WARS2: variants seen among roughly 807,000 people sequenced by gnomAD.
WARS2 encodes tryptophan--tRNA ligase, mitochondrial.
WARS2 carries 28 observed loss-of-function variants against 36.5 expected under a neutral mutation model. The observed-to-expected ratio is 0.77, with a 90% confidence interval of 0.57 to 1.05. The LOEUF (loss-of-function observed/expected upper bound fraction) is 1.05, where lower values mean the gene tolerates loss of function less well. WARS2 is among the 50% of genes least tolerant of loss of function. The pLI is 0.00. For missense variants in WARS2, 435 were observed against 456.8 expected, an observed-to-expected ratio of 0.95 and a Z score of 0.44; for synonymous variants, 174 against 178.4, an observed-to-expected ratio of 0.98 and a Z score of 0.20.
chr1:119,062,257 T>C (rs981359513), intron 2 of WARS2, among the ~76,000 whole-genome samples: 14 of 152,206 alleles, frequency 9.2e-5, no homozygotes, highest in Non-Finnish European at 1.9e-4. Context: ...GAAGCTACCT[T>C]GCTGGCAAGC....
At chr1:119,056,890 T>C (rs988426059) in intron 2 of WARS2, among the ~76,000 whole-genome samples, 9 of 152,180 alleles carry the variant, frequency 5.9e-5, no homozygotes, top group African/African-American at 1.7e-4. Context: ...TTTGGGTAAA[T>C]ACCTAGGAGT....
At chr1:119,090,467 C>G (rs892456442) in intron 1 of WARS2, among the ~76,000 whole-genome samples, 1 of 152,190 alleles carries the variant, frequency 6.6e-6, no homozygotes, top group Non-Finnish European at 1.5e-5. Context: ...AGCCTACATA[C>G]CTAACTTACT....
At chr1:119,091,540 AAATTTT>A (rs2101408909) in intron 1 of WARS2, among the ~76,000 whole-genome samples, 1 of 152,310 alleles carries the variant, frequency 6.6e-6, no homozygotes, top group South Asian at 2.1e-4. Flanking sequence ...GTATGGCCTA[AAATTTT>A]AATTTTATGT....
At chr1:119,116,096 T>G (rs781215244) in intron 1 of WARS2, among the ~76,000 whole-genome samples, 1 of 152,226 alleles carries the variant, frequency 6.6e-6, no homozygotes, top group Admixed American at 6.5e-5. Flanking sequence ...ATATAAAGTC[T>G]GCTTCACTCT....
intron 1 of WARS2, among the ~76,000 whole-genome samples, chr1:119,084,503 C>T (rs1450655418): frequency 6.6e-6 from 1 of 151,866 alleles, no homozygotes; most frequent in Non-Finnish European, 1.5e-5. Context: ...GGAAAGAGGC[C>T]AATCAAACAA....
intron 2 of WARS2, among the ~76,000 whole-genome samples, chr1:119,067,890 A>G (rs1182782803): frequency 1.3e-5 from 2 of 151,988 alleles, no homozygotes; most frequent in African/African-American, 4.8e-5. Context: ...ACCTGTTCCT[A>G]TGTCCAGGAT....
rs140728947 is a variant in WARS2 at position 119,108,072 on chromosome 1, A to G, written c.91-31465T>C. Among the ~76,000 whole-genome samples, 54 of 152,094 alleles carry G rather than the reference A, an allele frequency of 3.6e-4. No homozygotes were observed. In the East Asian group the frequency reaches 3.9e-3, roughly 11 times the overall value. On this transcript the variant is annotated intron_variant, in intron 1 of 5. Coordinates refer to ENST00000235521, the MANE Select transcript of WARS2 (RefSeq NM_015836.4). ...ATTCTTTTTATGCATTGTTGGATTCACTTTGCTAGTATTTTGTTGATGATT... is the reference window on the plus strand; with the variant it reads ...ATTCTTTTTATGCATTGTTGGATTCGCTTTGCTAGTATTTTGTTGATGATT...
Position 119,095,238 on chromosome 1 carries a change from C to T in WARS2, c.91-18631G>A, listed in dbSNP as rs587695140. Among the ~76,000 whole-genome samples the T allele has an allele frequency of 6.0e-4, 92 of 152,258 alleles. 1 individual carries two copies. Among genetic ancestry groups the T allele is most frequent in the African/African-American group, 2.1e-3 (87 of 41,568 alleles). On this transcript the variant is annotated intron_variant, in intron 1 of 5. Transcript: ENST00000235521. Reference sequence around the variant, plus strand: ...AATATTCACTAAGAAAATAGTCAAGCAACAGAAATCCATTGTGAGACACCA... The same window carrying T: ...AATATTCACTAAGAAAATAGTCAAGTAACAGAAATCCATTGTGAGACACCA...
At chr1:119,039,387 A>G (rs1648155162) in intron 4 of WARS2, among the ~76,000 whole-genome samples, 1 of 152,160 alleles carries the variant, frequency 6.6e-6, no homozygotes, top group Non-Finnish European at 1.5e-5. Context: ...ATATATGTAT[A>G]CAACACATAT....
At chr1:119,099,542 G>A (rs1653709167) in intron 1 of WARS2, among the ~76,000 whole-genome samples, 1 of 152,198 alleles carries the variant, frequency 6.6e-6, no homozygotes, top group African/African-American at 2.4e-5. Context: ...CAATATGGAG[G>A]AAAACGCTTT....
chr1:119,107,039 G>T (rs1456010886), intron 1 of WARS2, among the ~76,000 whole-genome samples: 1 of 152,054 alleles, frequency 6.6e-6, no homozygotes, highest in Admixed American at 6.6e-5. Flanking sequence ...GTTTTGATTT[G>T]CAATTCCCTA....
At chr1:119,067,580 T>G (rs934932184) in intron 2 of WARS2, among the ~76,000 whole-genome samples, 11 of 152,216 alleles carry the variant, frequency 7.2e-5, no homozygotes, top group Non-Finnish European at 1.6e-4. Flanking sequence ...CACTCTACCC[T>G]TATATAAATC....
intron 1 of WARS2, among the ~76,000 whole-genome samples, chr1:119,110,746 C>A (rs891595627): frequency 6.6e-6 from 1 of 152,028 alleles, no homozygotes; most frequent in Non-Finnish European, 1.5e-5. Context: ...GTTCCTGTCT[C>A]TTTTTCTTCT....
intron 2 of WARS2, among the ~76,000 whole-genome samples, chr1:119,065,832 A>G (rs1443629302): frequency 6.6e-6 from 1 of 152,174 alleles, no homozygotes; most frequent in Non-Finnish European, 1.5e-5. Context: ...AGAATAAATT[A>G]GAATTTTAGA....
chr1:119,071,065 C>T (rs1252653903), intron 2 of WARS2, among the ~76,000 whole-genome samples: 2 of 152,104 alleles, frequency 1.3e-5, no homozygotes, highest in Admixed American at 1.3e-4. Flanking sequence ...CGCCTGTAAT[C>T]CCAACTACTT....
chr1:119,121,532 GA>G (rs1445380796), intron 1 of WARS2, among the ~76,000 whole-genome samples: 1 of 151,438 alleles, frequency 6.6e-6, no homozygotes, highest in African/African-American at 2.4e-5. Context: ...CACAGAACTA[GA>G]AAAAACAATC....
At chr1:119,094,933 C>A (rs1653310260) in intron 1 of WARS2, among the ~76,000 whole-genome samples, 1 of 152,118 alleles carries the variant, frequency 6.6e-6, no homozygotes, top group South Asian at 2.1e-4. Context: ...ATCAGCCAAT[C>A]ATTAATTCAC....
chr1:119,077,150 G>GAAAAAAAAAAAAAA (rs1427699692), intron 1 of WARS2, among the ~76,000 whole-genome samples: 2 of 54,314 alleles, frequency 3.7e-5, no homozygotes, highest in Non-Finnish European at 4.0e-5. Flanking sequence ...AAAAAAAAAG[G>GAAAAAAAAAAAAAA]AAAAGATCTG....
rs587683836 is a variant in WARS2 at position 119,080,680 on chromosome 1, G to A, written c.91-4073C>T. 1.8e-4 allele frequency among the ~76,000 whole-genome samples: 28 copies of A among 152,306 alleles called. No individual in the cohort carries two copies. The South Asian group carries it at 2.3e-3, about 12-fold the overall frequency. On this transcript the variant is annotated intron_variant, in intron 1 of 5. Transcript: ENST00000235521. ...GTTCCCTCTGCAGGAGTCAGCAGGC[G>A]GCCTGACGGCATGGCAGGGGAGACA... is the stretch of plus-strand genomic sequence containing the variant.
Sources: gnomAD v4.1 joint callset for allele counts (sites outside exome capture counted in the v4.1 genomes callset) on GRCh38, gnomAD v4.1.1 for gene constraint, MANE v1.5 for transcripts, NCBI Gene and HGNC (gene_info 2026-07-23, HGNC 2026-07-21) for gene names.